The following HSP90AA1 variants were observed in gnomAD, a reference collection of about 807,000 sequenced individuals.
HSP90AA1 encodes heat shock protein HSP 90-alpha.
A neutral mutation model predicts 73.3 loss-of-function variants in HSP90AA1; 18 were observed. The ratio of observed to expected loss-of-function variants is 0.25; its 90% CI spans 0.17 to 0.36. The LOEUF is 0.36. Among genes scored for constraint, HSP90AA1 ranks in the 10% least tolerant of loss-of-function variants. The probability of loss-of-function intolerance (pLI) is 1.00; values close to 1 mark genes in which losing one functional copy is unlikely to be tolerated. For synonymous variants in HSP90AA1, 477 were observed against 296.9 expected (o/e 1.61, Z -6.24); for missense variants, 704 against 874.2 (o/e 0.81, Z 2.45).
chr14:102,124,102 TTG>T (rs1434524164), intron 1 of HSP90AA1, among the ~76,000 whole-genome samples: 2 of 152,114 alleles, frequency 1.3e-5, no homozygotes, highest in African/African-American at 4.8e-5. Context: ...TATTTTGTTA[TTG>T]TGAATGTGAC....
At chr14:102,088,955 C>G (rs1225305070), upstream of HSP90AA1, among the ~76,000 whole-genome samples, 2 of 150,160 alleles carry the variant, frequency 1.3e-5, no homozygotes, top group Non-Finnish European at 3.0e-5. Context: ...CCCCCAGGCT[C>G]GAGGGCAATG....
At chr14:102,109,159 C>T (rs116890591) in intron 1 of HSP90AA1, among the ~76,000 whole-genome samples, 85 of 152,292 alleles carry the variant, frequency 5.6e-4, no homozygotes, top group Non-Finnish European at 8.4e-4. Context: ...AACATTCTGA[C>T]ACCATTGATT....
chr14:102,124,704 T>C (rs1350645911), intron 1 of HSP90AA1, among the ~76,000 whole-genome samples: 4 of 152,142 alleles, frequency 2.6e-5, no homozygotes, highest in Non-Finnish European at 5.9e-5. Context: ...ATGCTTGGCT[T>C]CTTATTGTTT....
chr14:102,093,478 C>T (rs557348577), intron 2 of HSP90AA1, among the ~76,000 whole-genome samples: 7 of 142,338 alleles, frequency 4.9e-5, no homozygotes, highest in East Asian at 2.1e-4. Flanking sequence ...AGCAAGACTC[C>T]GTCTCAAAAA....
chr14:102,115,353 A>C (rs2049693352), intron 1 of HSP90AA1, among the ~76,000 whole-genome samples: 1 of 152,076 alleles, frequency 6.6e-6, no homozygotes, highest in African/African-American at 2.4e-5. Flanking sequence ...ACAAAAAATA[A>C]ACCTTAGACT....
Position 102,083,966 on chromosome 14 carries a change from C to T in HSP90AA1, c.1165G>A (p.Val389Ile), listed in dbSNP as rs2049157768. 6 of 1,613,548 alleles carry T rather than the reference C, an allele frequency of 3.7e-6. No homozygotes were observed. The highest frequency in any genetic ancestry group is 4.2e-6 in the Non-Finnish European group (5 of 1,179,618). The stretch of plus-strand genomic sequence containing the variant: ...TTTAGAGGGAGATCCTCCGAGTCTA[C>T]CACCCCTCTAATGAAGTCTGAAAAA... ...PEYLNFIRGV[V>I]DSEDLPLNIS... Residue 389 changes from valine to isoleucine, a missense_variant, in exon 7 of 11, where the codon GTA becomes ATA. Val to Ile is a conservative substitution (Grantham distance 29, BLOSUM62 3). Transcript: ENST00000216281.
chr14:102,126,551 A>G (rs986600309), intron 1 of HSP90AA1, among the ~76,000 whole-genome samples: 4 of 151,264 alleles, frequency 2.6e-5, no homozygotes, highest in Admixed American at 2.0e-4. Flanking sequence ...TTTGAGACGG[A>G]GTCTCGCTCT....
In HSP90AA1 at chr14:102,101,067, T is replaced by C. The variant is rs541992584; in HGVS notation, c.366+808A>G. Reference sequence around the variant, plus strand: ...CTGGGGGCTGTGGCTCCAGAGATGCTTGAGGGAAGGTCAGTCACCAACTGT... The same window carrying C: ...CTGGGGGCTGTGGCTCCAGAGATGCCTGAGGGAAGGTCAGTCACCAACTGT... On this transcript the variant is annotated intron_variant, in intron 2 of 11. Transcript: ENST00000334701. 2.1e-4 allele frequency among the ~76,000 whole-genome samples: 32 copies of C among 152,314 alleles called. No homozygotes were observed. The South Asian group carries it at 3.9e-3, about 19-fold the overall frequency.
chr14:102,123,332 A>G (rs1351334271), intron 1 of HSP90AA1, among the ~76,000 whole-genome samples: 1 of 152,100 alleles, frequency 6.6e-6, no homozygotes, highest in Non-Finnish European at 1.5e-5. Flanking sequence ...GGCAGTAGTG[A>G]GCCAAGATCA....
intron 1 of HSP90AA1, 31 bp downstream of exon 1, chr14:102,086,955 A>T: frequency 1.0e-6 from 1 of 971,694 alleles, no homozygotes; most frequent in Non-Finnish European, 1.2e-6. Flanking sequence ...TCCCCAGTCC[A>T]CCTCCACAGG....
At chr14:102,090,313 G>T (rs2152616046), upstream of HSP90AA1, among the ~76,000 whole-genome samples, 1 of 152,322 alleles carries the variant, frequency 6.6e-6, no homozygotes, top group Admixed American at 6.5e-5. Flanking sequence ...GAGGTTCTCA[G>T]AATGTGGTGC....
intron 1 of HSP90AA1, among the ~76,000 whole-genome samples, chr14:102,105,385 C>T (rs904732912): frequency 6.6e-6 from 1 of 152,014 alleles, no homozygotes; most frequent in African/African-American, 2.4e-5. Context: ...TGTAAAATAG[C>T]CTCAGGGAGT....
At position 102,086,346 on chromosome 14, in the gene HSP90AA1, C is replaced by A. The variant is rs1237994766; in HGVS notation, c.33G>T (p.Pro11=). MPEETQTQDQ[P]MEEEEVETFA... is the part of the protein sequence containing the mutation. Reference sequence around the variant, plus strand: ...ACGTCTCAACCTCCTCCTCCTCCATCGGTTGGTCTTGGGTCTGGGTTTCCT... The same window carrying A: ...ACGTCTCAACCTCCTCCTCCTCCATAGGTTGGTCTTGGGTCTGGGTTTCCT... The change falls in exon 2 of 11, where the codon CCG becomes CCT. Residue 11 remains proline (P), a synonymous_variant. Transcript: ENST00000216281. 4 of 1,614,068 alleles carry A rather than the reference C, an allele frequency of 2.5e-6. No individual in the cohort carries two copies. The highest frequency in any genetic ancestry group is 2.2e-5 in the East Asian group (1 of 44,900).
intron 1 of HSP90AA1, among the ~76,000 whole-genome samples, chr14:102,136,775 C>G (rs1183739353): frequency 6.6e-6 from 1 of 150,512 alleles, no homozygotes; most frequent in Non-Finnish European, 1.5e-5. Context: ...TTAATCCCAG[C>G]TATTTGGGAG....
At chr14:102,135,814 C>T (rs2049985591) in intron 1 of HSP90AA1, among the ~76,000 whole-genome samples, 1 of 152,242 alleles carries the variant, frequency 6.6e-6, no homozygotes, top group Non-Finnish European at 1.5e-5. Flanking sequence ...AGTGCGGGGC[C>T]CGCCAAGCCC....
upstream of HSP90AA1, among the ~76,000 whole-genome samples, chr14:102,087,925 T>C (rs899415048): frequency 2.8e-5 from 4 of 143,048 alleles, no homozygotes; most frequent in Non-Finnish European, 6.1e-5. Context: ...TAACTTGCCC[T>C]AAAAGGTTTT....
chr14:102,127,457 A>G (rs1432871445), intron 1 of HSP90AA1, among the ~76,000 whole-genome samples: 3 of 152,036 alleles, frequency 2.0e-5, no homozygotes, highest in African/African-American at 7.2e-5. Flanking sequence ...CAGTTCTCTT[A>G]TTTTCTTCCT....
chr14:102,085,487 A>C lies in HSP90AA1; in HGVS notation c.530-56T>G. The C allele has an allele frequency of 8.0e-6, 12 of 1,493,010 alleles. No homozygotes were observed. The South Asian group carries it at 1.2e-4, about 16-fold the overall frequency. 92.5% of individuals were successfully genotyped at this position (1,493,010 alleles called of 1,614,324 possible). A position where few individuals can be genotyped will look rare whatever the true frequency, so the allele number is the denominator to read the frequency against. ...TACATTCAATTTAGTGCTCAACGCC[A>C]TGCCTAACACCCTTATAACGTGTCT... On this transcript the variant is annotated intron_variant, in intron 3 of 10. Coordinates refer to ENST00000216281, the MANE Select transcript of HSP90AA1 (RefSeq NM_005348.4).
intron 1 of HSP90AA1, among the ~76,000 whole-genome samples, chr14:102,135,577 G>A (rs2049980418): frequency 6.6e-6 from 1 of 152,256 alleles, no homozygotes. Context: ...TGCTCGTCGG[G>A]GAGGCTCCGG....
Sources: allele counts gnomAD v4.1 joint callset (sites outside exome capture counted in the v4.1 genomes callset), GRCh38; gene constraint gnomAD v4.1.1; transcripts MANE v1.5; gene names NCBI Gene and HGNC (gene_info 2026-07-23, HGNC 2026-07-21).